Variants in DTWD2 observed in about 807,000 individuals in gnomAD.
The protein encoded by DTWD2 is DTW motif tRNA-uridine aminocarboxypropyltransferase 2.
DTWD2 carries 39 observed loss-of-function variants against 31.8 expected under a neutral mutation model. That is an observed-to-expected ratio of 1.22 (90% CI 0.95 to 1.60). The LOEUF (loss-of-function observed/expected upper bound fraction) is 1.60. DTWD2 is among the 40% of genes most tolerant of loss of function. The pLI is 0.00. For missense variants in DTWD2, 515 were observed against 381.5 expected, an observed-to-expected ratio of 1.35 and a Z score of -2.92; for synonymous variants, 180 against 142.8, an observed-to-expected ratio of 1.26 and a Z score of -1.86.
At chr5:118,954,871 T>A (rs949943080) in intron 1 of DTWD2, among the ~76,000 whole-genome samples, 1 of 152,186 alleles carries the variant, frequency 6.6e-6, no homozygotes, top group Non-Finnish European at 1.5e-5. Flanking sequence ...AATGCTTTTC[T>A]CCTCCTATAC....
chr5:118,881,792 G>C (rs1752748006), intron 4 of DTWD2, among the ~76,000 whole-genome samples: 2 of 152,116 alleles, frequency 1.3e-5, no homozygotes, highest in African/African-American at 4.8e-5. Flanking sequence ...CATGAGAATG[G>C]CAAGAGAAAA....
intron 5 of DTWD2, among the ~76,000 whole-genome samples, chr5:118,842,948 TTCC>T (rs1257149631): frequency 1.4e-5 from 2 of 143,264 alleles, no homozygotes; most frequent in Admixed American, 1.4e-4. Flanking sequence ...AACTTTCTTC[TTCC>T]TCTTTTTTTT....
rs1755060285 is a variant in DTWD2 at position 118,973,887 on chromosome 5, G to A, written c.218+14407C>T. On this transcript the variant is annotated intron_variant, in intron 1 of 5. Transcript: ENST00000510708. ...GTTGTGGAAGAGGCAGAAAATGGAA[G>A]AGACGCCCCTGCTAACGGGAATGCT... 12 of 1,610,190 alleles carry A rather than the reference G, an allele frequency of 7.5e-6. No homozygotes were observed. In the Admixed American group the frequency reaches 1.5e-4, roughly 20 times the overall value.
intron 2 of DTWD2, among the ~76,000 whole-genome samples, chr5:118,944,315 A>T (rs1754277475): frequency 6.6e-6 from 1 of 152,212 alleles, no homozygotes; most frequent in Non-Finnish European, 1.5e-5. Context: ...AATTGTTGGG[A>T]GTTTTAAATT....
At chr5:118,847,619 T>TC (rs397803408) in intron 5 of DTWD2, among the ~76,000 whole-genome samples, 1 of 151,844 alleles carries the variant, frequency 6.6e-6, no homozygotes, top group African/African-American at 2.4e-5. Context: ...ATTTTTTTTT[T>TC]CAAGAAAAAT....
chr5:118,866,227 G>T (rs1163721034), intron 4 of DTWD2, among the ~76,000 whole-genome samples: 1 of 152,102 alleles, frequency 6.6e-6, no homozygotes, highest in Non-Finnish European at 1.5e-5. Context: ...TAAAGTTCTT[G>T]AATTAGTTTC....
chr5:118,862,451 G>C (rs1752283038), intron 4 of DTWD2, among the ~76,000 whole-genome samples: 1 of 152,154 alleles, frequency 6.6e-6, no homozygotes, highest in East Asian at 1.9e-4. Flanking sequence ...CGATGTAAAT[G>C]AGAAGGTATC....
intron 5 of DTWD2, among the ~76,000 whole-genome samples, chr5:118,847,210 A>C (rs1751878384): frequency 6.6e-6 from 1 of 152,068 alleles, no homozygotes; most frequent in Non-Finnish European, 1.5e-5. Flanking sequence ...CATACTCATA[A>C]CTGTAACCAT....
intron 5 of DTWD2, among the ~76,000 whole-genome samples, chr5:118,842,884 C>A (rs900625136): frequency 6.7e-6 from 1 of 150,280 alleles, no homozygotes; most frequent in Admixed American, 6.6e-5. Context: ...GAGGTCAAGG[C>A]GGCAGTGAGC....
At chr5:118,979,082 A>G (rs1334340517) in intron 1 of DTWD2, among the ~76,000 whole-genome samples, 1 of 152,138 alleles carries the variant, frequency 6.6e-6, no homozygotes, top group Admixed American at 6.5e-5. Flanking sequence ...AGGCGGGTGG[A>G]TCACAAGATC....
At chr5:118,864,493 G>C (rs1024090752) in intron 4 of DTWD2, among the ~76,000 whole-genome samples, 1 of 147,130 alleles carries the variant, frequency 6.8e-6, no homozygotes, top group African/African-American at 2.5e-5. Context: ...TAACTAACCT[G>C]TACATTGTGC....
chr5:118,965,351 G>GGC (rs1385747028), intron 1 of DTWD2, among the ~76,000 whole-genome samples: 1 of 135,838 alleles, frequency 7.4e-6, no homozygotes, highest in East Asian at 2.5e-4. Context: ...GGAGGTGAGG[G>GGC]GCGCCTCTGC....
chr5:118,899,799 C>CTTTTTT (rs1163738328), intron 4 of DTWD2, among the ~76,000 whole-genome samples: 16 of 124,902 alleles, frequency 1.3e-4, no homozygotes, highest in East Asian at 2.2e-4. Context: ...TTCGTTTTTT[C>CTTTTTT]TTTTTTTTTT....
At chr5:118,951,578 T>A (rs990697659) in intron 1 of DTWD2, among the ~76,000 whole-genome samples, 4 of 152,286 alleles carry the variant, frequency 2.6e-5, no homozygotes, top group Non-Finnish European at 4.4e-5. Context: ...GGAAACACTG[T>A]CAAGTTTGTA....
At chr5:118,910,238 AAG>A (rs1215903480) in intron 4 of DTWD2, among the ~76,000 whole-genome samples, 1 of 152,220 alleles carries the variant, frequency 6.6e-6, no homozygotes, top group Non-Finnish European at 1.5e-5. Context: ...ATAAGCATTT[AAG>A]AGAAGTCATG....
At position 118,853,297 on chromosome 5, in the gene DTWD2, T is replaced by C. The variant is rs576697572; in HGVS notation, c.598-5079A>G. On this transcript the variant is annotated intron_variant, in intron 4 of 5. Coordinates refer to ENST00000510708, the MANE Select transcript of DTWD2 (RefSeq NM_173666.4). ...AAAAGGAGATGCTTATACACTGTTG[T>C]TAAGAATGTAAATTAGTTCAGCCTC... Among the ~76,000 whole-genome samples, 13 of 152,286 alleles carry C rather than the reference T, an allele frequency of 8.5e-5. No homozygotes were observed. The South Asian group carries it at 2.7e-3, about 32-fold the overall frequency.
chr5:118,874,221 G>T (rs1004144034), intron 4 of DTWD2, among the ~76,000 whole-genome samples: 1 of 152,140 alleles, frequency 6.6e-6, no homozygotes, highest in African/African-American at 2.4e-5. Flanking sequence ...CAATCTCAAA[G>T]ACTGAATATA....
intron 1 of DTWD2, chr5:118,974,090 G>A (rs1257962890): frequency 1.3e-5 from 20 of 1,599,558 alleles, no homozygotes; most frequent in South Asian, 9.0e-5. Context: ...TGACGATGTC[G>A]ATACCAAGAA....
intron 4 of DTWD2, among the ~76,000 whole-genome samples, chr5:118,863,737 T>C (rs774384294): frequency 6.6e-5 from 10 of 152,230 alleles, no homozygotes; most frequent in Non-Finnish European, 1.3e-4. Flanking sequence ...TCCAGAGCCC[T>C]AATATTGTAC....
Sources: gnomAD v4.1 joint callset for allele counts (sites outside exome capture counted in the v4.1 genomes callset) on GRCh38, gnomAD v4.1.1 for gene constraint, MANE v1.5 for transcripts, NCBI Gene and HGNC (gene_info 2026-07-23, HGNC 2026-07-21) for gene names.